Variants in NELL1 observed in about 807,000 individuals in gnomAD.
NELL1 encodes protein kinase C-binding protein NELL1.
In NELL1, 76 loss-of-function variants were observed where a neutral mutation model predicts 107.4. The ratio of observed to expected loss-of-function variants is 0.71; its 90% CI spans 0.59 to 0.86. NELL1 has a LOEUF of 0.86. NELL1 is among the 40% of genes least tolerant of loss of function. The pLI is 0.00. For missense variants in NELL1, 1,024 were observed against 1,005.5 expected (o/e 1.02, Z -0.25); for synonymous variants, 353 against 341.2 (o/e 1.03, Z -0.38).
At chr11:21,162,511 T>G (rs1273582752) in intron 13 of NELL1, among the ~76,000 whole-genome samples, 3 of 152,152 alleles carry the variant, frequency 2.0e-5, no homozygotes, top group Non-Finnish European at 2.9e-5. Context: ...AGTGGTATAG[T>G]GTATGTGTTC....
At chr11:21,132,330 G>A (rs921305893) in intron 13 of NELL1, among the ~76,000 whole-genome samples, 3 of 152,126 alleles carry the variant, frequency 2.0e-5, no homozygotes, top group Non-Finnish European at 4.4e-5. Flanking sequence ...TGTGGCTGAC[G>A]GAGCCTCCCG....
rs1045980030 is a variant in NELL1 at position 20,818,813 on chromosome 11, T to G, written c.336-28770T>G. On this transcript the variant is annotated intron_variant, in intron 3 of 19. Coordinates refer to ENST00000357134, the MANE Select transcript of NELL1 (RefSeq NM_006157.5). ...ATACATTTGGGAAGCATGACTCTCT[T>G]TCTTGGAAAATCACAATAAATATTA... Among the ~76,000 whole-genome samples, 3 of 152,212 alleles carry G rather than the reference T, an allele frequency of 2.0e-5. No homozygotes were observed. The South Asian group carries it at 6.2e-4, about 32-fold the overall frequency.
chr11:21,508,321 A>G (rs1415710255), intron 15 of NELL1, among the ~76,000 whole-genome samples: 2 of 152,182 alleles, frequency 1.3e-5, no homozygotes, highest in Non-Finnish European at 2.9e-5. Flanking sequence ...AAAAAGAAAT[A>G]AAATATTGTG....
intron 2 of NELL1, among the ~76,000 whole-genome samples, chr11:20,776,415 A>G (rs552621932): frequency 6.6e-6 from 1 of 152,216 alleles, no homozygotes; most frequent in Non-Finnish European, 1.5e-5. Flanking sequence ...CAGCCTGGGC[A>G]ACAGCCTGGG....
chr11:20,925,482 C>T (rs536846441), intron 7 of NELL1, among the ~76,000 whole-genome samples: 55 of 142,410 alleles, frequency 3.9e-4, no homozygotes, highest in Non-Finnish European at 5.3e-4. Context: ...GACAGGGTTT[C>T]GCCATGTTGG....
intron 12 of NELL1, among the ~76,000 whole-genome samples, chr11:21,016,863 T>C (rs181235418): frequency 7.2e-5 from 11 of 152,164 alleles, no homozygotes; most frequent in African/African-American, 2.6e-4. Flanking sequence ...ATCAACATAG[T>C]GGTAAAATTG....
At chr11:20,774,892 C>A (rs1413953975) in intron 2 of NELL1, among the ~76,000 whole-genome samples, 4 of 151,748 alleles carry the variant, frequency 2.6e-5, no homozygotes, top group African/African-American at 7.3e-5. Context: ...AGATTCTTGA[C>A]AATCAGTGTG....
chr11:20,688,395 G>A (rs1470050189), intron 2 of NELL1, among the ~76,000 whole-genome samples: 2 of 151,956 alleles, frequency 1.3e-5, no homozygotes, highest in African/African-American at 4.8e-5. Flanking sequence ...TCCCCCTCTC[G>A]TAGTTCCCAG....
chr11:21,440,899 G>T (rs1853265859), intron 15 of NELL1, among the ~76,000 whole-genome samples: 1 of 152,042 alleles, frequency 6.6e-6, no homozygotes, highest in African/African-American at 2.4e-5. Context: ...TTTATTTATT[G>T]CTTATAGACC....
intron 13 of NELL1, among the ~76,000 whole-genome samples, chr11:21,203,205 A>C (rs575491247): frequency 6.6e-6 from 1 of 152,238 alleles, no homozygotes; most frequent in African/African-American, 2.4e-5. Flanking sequence ...TGATCTGTCT[A>C]ATATGGACAG....
chr11:20,707,723 C>T (rs1187106582), intron 2 of NELL1, among the ~76,000 whole-genome samples: 4 of 152,202 alleles, frequency 2.6e-5, no homozygotes, highest in African/African-American at 9.6e-5. Context: ...CTGATCCTTC[C>T]TCTGGAAGCT....
chr11:20,967,449 T>C (rs1025100332), intron 12 of NELL1, among the ~76,000 whole-genome samples: 2 of 152,168 alleles, frequency 1.3e-5, no homozygotes, highest in African/African-American at 2.4e-5. Context: ...ACTACAAAGA[T>C]ATCCTGAGTT....
At chr11:21,474,779 T>G (rs1854281743) in intron 15 of NELL1, among the ~76,000 whole-genome samples, 1 of 152,194 alleles carries the variant, frequency 6.6e-6, no homozygotes, top group Non-Finnish European at 1.5e-5. Flanking sequence ...CTAATCTGTG[T>G]TGTCATCTTC....
rs562710859 is a variant in NELL1, at chr11:20,758,202, A to G, written c.185-25478A>G. 2.6e-5 allele frequency among the ~76,000 whole-genome samples: 4 copies of G among 152,156 alleles called. No homozygotes were observed. In the East Asian group the frequency reaches 7.7e-4, roughly 29 times the overall value. Reference sequence around the variant, plus strand: ...GTCCCTGCCTCCTAAAATTCAAAACATCCCTTCACCCTGATATCCCCTTAT... The same window carrying G: ...GTCCCTGCCTCCTAAAATTCAAAACGTCCCTTCACCCTGATATCCCCTTAT... On this transcript the variant is annotated intron_variant, in intron 2 of 19. Coordinates refer to ENST00000357134, the MANE Select transcript of NELL1 (RefSeq NM_006157.5).
chr11:20,698,593 A>C (rs1168999124), intron 2 of NELL1, among the ~76,000 whole-genome samples: 1 of 152,216 alleles, frequency 6.6e-6, no homozygotes, highest in Non-Finnish European at 1.5e-5. Flanking sequence ...AGATATTTTT[A>C]AGGATTAATT....
chr11:20,707,267 C>CT (rs1410860778), intron 2 of NELL1, among the ~76,000 whole-genome samples: 1 of 152,168 alleles, frequency 6.6e-6, no homozygotes, highest in Non-Finnish European at 1.5e-5. Flanking sequence ...TTCATCTAAT[C>CT]TTTTTTCAAG....
chr11:21,169,838 T>C lies in NELL1; in HGVS notation c.1426+56124T>C, dbSNP rs759160013. 601 of 1,421,892 alleles carry C rather than the reference T, an allele frequency of 4.2e-4. 3 individuals carry two copies. The highest frequency in any genetic ancestry group is 1.1e-3 in the Middle Eastern group (6 of 5,602). The allele number at this position is 1,421,892 out of a possible 1,614,324, so 88.1% of individuals were successfully genotyped here. On this transcript the variant is annotated intron_variant, in intron 13 of 19. Coordinates refer to ENST00000357134, the MANE Select transcript of NELL1 (RefSeq NM_006157.5). ...GCCTGCTGAGCCCGATGCAAGTGCT[T>C]GCACCCCAGAGTCCCCCCAGGAAGA...
At chr11:21,006,708 G>A (rs1852335025) in intron 12 of NELL1, among the ~76,000 whole-genome samples, 1 of 152,002 alleles carries the variant, frequency 6.6e-6, no homozygotes, top group Admixed American at 6.6e-5. Flanking sequence ...CGCCTCTCAG[G>A]GTTGAAAGCT....
intron 2 of NELL1, among the ~76,000 whole-genome samples, chr11:20,697,976 A>G (rs950639353): frequency 2.6e-5 from 4 of 152,214 alleles, no homozygotes; most frequent in African/African-American, 9.6e-5. Flanking sequence ...CCGATCTTCC[A>G]GATTTCCTGC....
Sources: gnomAD v4.1 joint callset for allele counts (sites outside exome capture counted in the v4.1 genomes callset) on GRCh38, gnomAD v4.1.1 for gene constraint, MANE v1.5 for transcripts, NCBI Gene and HGNC (gene_info 2026-07-23, HGNC 2026-07-21) for gene names.